Variants in DNAH3 observed in about 807,000 individuals in gnomAD.
The protein encoded by DNAH3 is axonemal beta dynein heavy chain 3.
In DNAH3, 332 loss-of-function variants were observed where a neutral mutation model predicts 432.5. That is an observed-to-expected ratio of 0.77 (90% CI 0.70 to 0.84). DNAH3 has a LOEUF of 0.84. DNAH3 is among the 40% of genes least tolerant of loss of function. DNAH3 has a pLI of 0.00. For synonymous variants in DNAH3, 1,956 were observed against 1,900.2 expected, an observed-to-expected ratio of 1.03 and a Z score of -0.76; for missense variants, 4,861 against 5,114.0, an observed-to-expected ratio of 0.95 and a Z score of 1.51.
At chr16:21,116,226 C>G (rs900174390) in intron 12 of DNAH3, among the ~76,000 whole-genome samples, 1 of 152,006 alleles carries the variant, frequency 6.6e-6, no homozygotes, top group Non-Finnish European at 1.5e-5. Context: ...ACAGGATCAC[C>G]CTAAACTAGT....
chr16:20,985,011 CAGAAGAA>C, intron 48 of DNAH3, 31 bp downstream of exon 48: 2 of 1,533,956 alleles, frequency 1.3e-6, no homozygotes, highest in Middle Eastern at 2.4e-4. Flanking sequence ...CCAAAACACC[CAGAAGAA>C]CAAGGGCAAA....
chr16:20,971,607 G>A (rs1310568192), intron 51 of DNAH3, among the ~76,000 whole-genome samples: 1 of 152,166 alleles, frequency 6.6e-6, no homozygotes. Context: ...CTCACCCTTT[G>A]CACCGAAACC....
intron 35 of DNAH3, among the ~76,000 whole-genome samples, chr16:21,036,259 G>A (rs1171184076): frequency 6.6e-6 from 1 of 152,174 alleles, no homozygotes; most frequent in African/African-American, 2.4e-5. Flanking sequence ...CTGGGAGGCA[G>A]AGGTTGCAGT....
chr16:20,937,838 A>G (rs2083653097), intron 59 of DNAH3, among the ~76,000 whole-genome samples: 2 of 151,828 alleles, frequency 1.3e-5, no homozygotes, highest in South Asian at 2.1e-4. Context: ...GTCCTTTTTT[A>G]TCGACTATAA....
chr16:20,949,708 C>A (rs1271598628), intron 56 of DNAH3, among the ~76,000 whole-genome samples: 1 of 152,188 alleles, frequency 6.6e-6, no homozygotes, highest in Non-Finnish European at 1.5e-5. Flanking sequence ...AAGACTCTTG[C>A]TAATTCATGC....
chr16:20,991,547 A>ACAC (rs1177035381), intron 44 of DNAH3, among the ~76,000 whole-genome samples: 1 of 152,182 alleles, frequency 6.6e-6, no homozygotes, highest in Non-Finnish European at 1.5e-5. Context: ...TACAGACGTG[A>ACAC]GCCTCTGCAC....
rs867098679 is a variant in DNAH3, at chr16:21,075,882, C to T, written c.2970-321G>A. Among the ~76,000 whole-genome samples the T allele has an allele frequency of 2.2e-5, 3 of 134,468 alleles. No homozygotes were observed. The South Asian group carries it at 7.1e-4, about 32-fold the overall frequency. 88.2% of individuals were successfully genotyped at this position (134,468 alleles called of 152,430 possible). A position where few individuals can be genotyped will look rare whatever the true frequency, so the allele number is the denominator to read the frequency against. On this transcript the variant is annotated intron_variant, in intron 20 of 61. Transcript: ENST00000261383. Reference sequence around the variant, plus strand: ...CTGAGATCGTGATTTCACCACTGCACTCCACTCTGGAAAACAGAGTAAACC... The same window carrying T: ...CTGAGATCGTGATTTCACCACTGCATTCCACTCTGGAAAACAGAGTAAACC...
At chr16:20,946,400 G>C (rs1014495892) in intron 57 of DNAH3, among the ~76,000 whole-genome samples, 1 of 152,086 alleles carries the variant, frequency 6.6e-6, no homozygotes, top group African/African-American at 2.4e-5. Flanking sequence ...AAATGTATTT[G>C]ACTGATGCCT....
chr16:20,965,404 C>T lies in DNAH3; in HGVS notation c.8480G>A (p.Trp2827Ter). 2 of 1,525,114 alleles carry T rather than the reference C, an allele frequency of 1.3e-6. No homozygotes were observed. Among genetic ancestry groups the T allele is most frequent in the Non-Finnish European group, 8.8e-7 (1 of 1,136,680 alleles). The allele number at this position is 1,525,114 out of a possible 1,614,324, so 94.5% of individuals were successfully genotyped here. A position where few individuals can be genotyped will look rare whatever the true frequency, so the allele number is the denominator to read the frequency against. The change falls in exon 53 of 62, where the codon TGG (tryptophan) becomes TAG (stop). Residue 2827 changes from tryptophan (W) to a stop codon, truncating the protein, a stop_gained. Transcript: ENST00000261383. LOFTEE classifies it high-confidence loss of function. Reference sequence around the variant, plus strand: ...CCCAAGAATCTTTTTGGATACCCCCCAGTAATCTTCTATCATCTTACCTAT... The same window carrying T: ...CCCAAGAATCTTTTTGGATACCCCCTAGTAATCTTCTATCATCTTACCTAT...
At chr16:21,072,723 G>A (rs1342106089) in intron 21 of DNAH3, among the ~76,000 whole-genome samples, 2 of 151,842 alleles carry the variant, frequency 1.3e-5, no homozygotes, top group South Asian at 4.2e-4. Context: ...ATAGCTTACT[G>A]CAGCCTCAAA....
chr16:21,039,730 G>A (rs1041165701), intron 33 of DNAH3, 122 bp downstream of exon 33: 2 of 812,274 alleles, frequency 2.5e-6, no homozygotes, highest in African/African-American at 3.4e-5. Context: ...CACCCAGTAA[G>A]CAGAAGCAAG....
chr16:20,997,477 C>A lies in DNAH3; in HGVS notation c.6422-15G>T. 1 of 1,613,164 alleles carries A rather than the reference C, an allele frequency of 6.2e-7. No individual in the cohort carries two copies. Among genetic ancestry groups the A allele is most frequent in the Non-Finnish European group, 8.5e-7 (1 of 1,179,432 alleles). Reference sequence around the variant, plus strand: ...GTTGAGGTCATCTGGGGAAAGAAACCACAGATACAGCCATTGCAAGTTCAT... The same window carrying A: ...GTTGAGGTCATCTGGGGAAAGAAACAACAGATACAGCCATTGCAAGTTCAT... On this transcript the variant is annotated splice_polypyrimidine_tract_variant and intron_variant, in intron 43 of 61. Coordinates refer to ENST00000261383, the Ensembl canonical transcript of DNAH3.
At chr16:21,042,486 T>C (rs930028891) in intron 31 of DNAH3, among the ~76,000 whole-genome samples, 8 of 152,172 alleles carry the variant, frequency 5.3e-5, no homozygotes, top group Admixed American at 3.3e-4. Context: ...ATTCTGTGTT[T>C]ATTGGTTCAA....
intron 18 of DNAH3, among the ~76,000 whole-genome samples, chr16:21,091,018 T>A (rs2091518333): frequency 6.6e-6 from 1 of 151,960 alleles, no homozygotes; most frequent in Non-Finnish European, 1.5e-5. Context: ...CTGGGTGTGG[T>A]GGTGTGCATC....
In DNAH3 at chr16:21,070,694, C is replaced by T. The variant is rs774409993; in HGVS notation, c.3201+16G>A. Reference sequence around the variant, plus strand: ...TAACGAAACACCTCAAAGCATTCAACTTCATTTCCTCTTACCCGGCATTCT... The same window carrying T: ...TAACGAAACACCTCAAAGCATTCAATTTCATTTCCTCTTACCCGGCATTCT... On this transcript the variant is annotated intron_variant, in intron 22 of 61. Transcript: ENST00000261383. 6 of 1,557,140 alleles carry T rather than the reference C, an allele frequency of 3.9e-6. No individual in the cohort carries two copies. The highest frequency in any genetic ancestry group is 1.7e-4 in the Middle Eastern group (1 of 5,970).
chr16:21,153,429 C>G (rs1184723266), intron 1 of DNAH3, among the ~76,000 whole-genome samples: 1 of 152,140 alleles, frequency 6.6e-6, no homozygotes, highest in Non-Finnish European at 1.5e-5. Context: ...GTGTCTAGCT[C>G]AGGGATTGTA....
intron 11 of DNAH3, among the ~76,000 whole-genome samples, chr16:21,118,858 A>G (rs2092269611): frequency 6.6e-6 from 1 of 152,192 alleles, no homozygotes; most frequent in Non-Finnish European, 1.5e-5. Context: ...GCAGGCTGCA[A>G]AGTTCCTGCC....
intron 32 of DNAH3, among the ~76,000 whole-genome samples, chr16:21,041,761 C>T (rs1307335945): frequency 2.0e-5 from 3 of 152,168 alleles, no homozygotes; most frequent in Middle Eastern, 3.2e-3. Flanking sequence ...CTCTGCCTCC[C>T]ACATTCAACT....
At chr16:21,091,731 A>G (rs1319784649) in intron 18 of DNAH3, among the ~76,000 whole-genome samples, 1 of 152,126 alleles carries the variant, frequency 6.6e-6, no homozygotes, top group Non-Finnish European at 1.5e-5. Context: ...CAGGAGAATC[A>G]CTTGAACCCA....
Sources: gnomAD v4.1 joint callset for allele counts (sites outside exome capture counted in the v4.1 genomes callset) on GRCh38, gnomAD v4.1.1 for gene constraint, MANE v1.5 for transcripts, NCBI Gene and HGNC (gene_info 2026-07-23, HGNC 2026-07-21) for gene names.